The following ODAD1 variants were observed in gnomAD, a reference collection of about 807,000 sequenced individuals.
The protein encoded by ODAD1 is outer dynein arm docking complex subunit 1.
ODAD1 carries 49 observed loss-of-function variants against 67.2 expected under a neutral mutation model. The observed-to-expected ratio is 0.73, with a 90% confidence interval of 0.58 to 0.92. The LOEUF is 0.92. ODAD1 is among the 40% of genes least tolerant of loss of function. ODAD1 has a pLI of 0.00. For missense variants in ODAD1, 897 were observed against 953.7 expected (o/e 0.94, Z 0.78); for synonymous variants, 345 against 393.7 (o/e 0.88, Z 1.46).
At chr19:48,302,894 T>A (rs758781406) in intron 11 of ODAD1, 32 bp from the exon 12 acceptor site, 1 of 1,519,632 alleles carries the variant, frequency 6.6e-7, no homozygotes, top group East Asian at 2.7e-5. Context: ...CTGGGCCAGA[T>A]GGCAGCCTCG....
intron 10 of ODAD1, chr19:48,303,332 G>A (rs548403256): frequency 3.6e-5 from 22 of 611,794 alleles, no homozygotes; most frequent in African/African-American, 2.2e-4. Flanking sequence ...CCAGAGACTC[G>A]GCAATAGCAA....
At position 48,298,051 on chromosome 19, in the gene ODAD1, C is replaced by T. The variant is rs765137896; in HGVS notation, c.1451G>A (p.Ser484Asn). ...ADAALLVLGQSLEDLPKKMAP... is the reference protein window; with the variant it reads ...ADAALLVLGQNLEDLPKKMAP... Reference sequence around the variant, plus strand: ...CATCTTCTTCGGAAGGTCCTCCAGGCTCTGGCCCAGCACTAGGAGGGCAGC... The same window carrying T: ...CATCTTCTTCGGAAGGTCCTCCAGGTTCTGGCCCAGCACTAGGAGGGCAGC... Residue 484 changes from serine to asparagine, a missense_variant, in exon 14 of 16, where the codon AGC becomes AAC. Coordinates refer to ENST00000674294, the MANE Select transcript of ODAD1 (RefSeq NM_001364171.2). 2.5e-6 allele frequency: 4 copies of T among 1,613,398 alleles called. No individual in the cohort carries two copies. Among genetic ancestry groups the T allele is most frequent in the Non-Finnish European group, 2.5e-6 (3 of 1,179,780 alleles).
Position 48,298,280 on chromosome 19 carries a change from C to A in ODAD1, c.1301G>T (p.Gly434Val). 1 of 1,614,120 alleles carries A rather than the reference C, an allele frequency of 6.2e-7. No homozygotes were observed. The highest frequency in any genetic ancestry group is 8.5e-7 in the Non-Finnish European group (1 of 1,179,982). Residue 434 changes from glycine to valine, a missense_variant, in exon 13 of 16, where the codon GGG becomes GTG. Gly to Val is a moderately radical substitution (Grantham distance 109). Transcript: ENST00000674294. ...CCGGTCTCCCATGCTGGTCTTGACC[C>A]CAAGGAGGTCATCGATCATGCTGCT... is the stretch of plus-strand genomic sequence containing the variant. ...CDSSMIDDLL[G>V]VKTSMGDRDM...
Position 48,311,552 on chromosome 19 carries a change from C to A in ODAD1, c.597+1G>T. On this transcript the variant is annotated splice_donor_variant, in intron 7 of 15. Transcript: ENST00000674294. LOFTEE classifies it high-confidence loss of function. Reference sequence around the variant, plus strand: ...CTCCCCTGGATTTCAGGGCCACTGACCTTCTTCAGCTTGCGGTCCACGTTC... The same window carrying A: ...CTCCCCTGGATTTCAGGGCCACTGAACTTCTTCAGCTTGCGGTCCACGTTC... The A allele has an allele frequency of 6.5e-7, 1 of 1,538,130 alleles. No homozygotes were observed. The highest frequency in any genetic ancestry group is 8.8e-7 in the Non-Finnish European group (1 of 1,134,946).
intron 5 of ODAD1, among the ~76,000 whole-genome samples, chr19:48,314,703 G>A (rs1968853997): frequency 6.6e-6 from 1 of 152,108 alleles, no homozygotes; most frequent in African/African-American, 2.4e-5. Context: ...CACTTTGAGA[G>A]GCCGAGGCGA....
intron 12 of ODAD1, 136 bp from the exon 13 acceptor site, chr19:48,298,476 G>A (rs1479059647): frequency 8.9e-5 from 74 of 827,060 alleles, no homozygotes; most frequent in Non-Finnish European, 1.3e-4. Flanking sequence ...AGTCACCCGA[G>A]CTCAGCCAGC....
At chr19:48,300,776 G>A (rs1968442886) in intron 12 of ODAD1, among the ~76,000 whole-genome samples, 1 of 152,162 alleles carries the variant, frequency 6.6e-6, no homozygotes, top group Non-Finnish European at 1.5e-5. Context: ...AGTCACCAGG[G>A]AAATGCCAAT....
chr19:48,318,858 C>T (rs1272975754), intron 3 of ODAD1, 46 bp from the exon 4 acceptor site: 11 of 1,213,498 alleles, frequency 9.1e-6, no homozygotes, highest in Non-Finnish European at 1.2e-5. Context: ...TCCTGGCCAC[C>T]AGCTCCTCCC....
rs1406604169 is a variant in ODAD1 at position 48,303,755 on chromosome 19, T to C, written c.883A>G (p.Thr295Ala). Residue 295 changes from threonine to alanine, a missense_variant, in exon 10 of 16, where the codon ACC (threonine) becomes GCC (alanine). Transcript: ENST00000674294. The part of the protein sequence containing the change: ...AGEVAEGVWK[T>A]SQERLVLCYE... ...CAAAGCACCAGCCTCTCCTGGGAGG[T>C]CTTCCAGACGCCCTCGGCCACCTCC... 6.2e-7 allele frequency: 1 copy of C among 1,612,700 alleles called. No individual in the cohort carries two copies. The highest frequency in any genetic ancestry group is 8.5e-7 in the Non-Finnish European group (1 of 1,179,318).
chr19:48,318,311 T>A, intron 5 of ODAD1, 76 bp downstream of exon 5: 2 of 1,298,318 alleles, frequency 1.5e-6, no homozygotes, highest in South Asian at 1.4e-5. Context: ...CAATTTCACA[T>A]GAGGAAGCTA....
chr19:48,316,677 T>C (rs249375), intron 5 of ODAD1, among the ~76,000 whole-genome samples: 27,160 of 152,100 alleles, frequency 0.18, 2,543 homozygotes, highest in Middle Eastern at 0.23. Flanking sequence ...TCCTTACCTG[T>C]GGCCGCATCA....
chr19:48,316,436 A>C (rs1486525634), intron 5 of ODAD1, among the ~76,000 whole-genome samples: 1 of 151,738 alleles, frequency 6.6e-6, no homozygotes, highest in African/African-American at 2.4e-5. Flanking sequence ...GTAGTGTGCC[A>C]TTCCACATTC....
At chr19:48,317,213 T>C (rs1048397848) in intron 5 of ODAD1, among the ~76,000 whole-genome samples, 1 of 149,810 alleles carries the variant, frequency 6.7e-6, no homozygotes, top group African/African-American at 2.4e-5. Flanking sequence ...AAAAAATGTA[T>C]ATATATATAT....
Position 48,298,053 on chromosome 19 carries a change from C to G in ODAD1, c.1449G>C (p.Gln483His), listed in dbSNP as rs372851757. The change falls in exon 14 of 16, where the codon CAG becomes CAC. Residue 483 changes from glutamine to histidine, a missense_variant. Transcript: ENST00000674294. ...TCTTCTTCGGAAGGTCCTCCAGGCT[C>G]TGGCCCAGCACTAGGAGGGCAGCGT... ...LADAALLVLG[Q>H]SLEDLPKKMA... 3 of 1,613,306 alleles carry G rather than the reference C, an allele frequency of 1.9e-6. No individual in the cohort carries two copies. Among genetic ancestry groups the G allele is most frequent in the Non-Finnish European group, 2.5e-6 (3 of 1,179,784 alleles).
chr19:48,320,832 T>C (rs1363498996), intron 1 of ODAD1, 21 bp from the exon 2 acceptor site: 1 of 154,050 alleles, frequency 6.5e-6, no homozygotes, highest in Non-Finnish European at 1.5e-5. Context: ...AAGGGACCAA[T>C]GAGGACTGAG....
Position 48,297,139 on chromosome 19 carries a change from C to T in ODAD1, c.1961G>A (p.Gly654Glu). Residue 654 changes from glycine to glutamate, a missense_variant, in exon 16 of 16, where the codon GGG (glycine) becomes GAG (glutamate). Physicochemically the swap from Gly to Glu is moderately conservative, Grantham distance 98. Coordinates refer to ENST00000674294, the MANE Select transcript of ODAD1 (RefSeq NM_001364171.2). ...TGTGTTTTCTCCGCCCCTGCTGGACCCCACGTATCCAGTGGAGCCCAGGTA... is the reference window on the plus strand; with the variant it reads ...TGTGTTTTCTCCGCCCCTGCTGGACTCCACGTATCCAGTGGAGCCCAGGTA... ...SSYLGSTGYV[G>E]SSRGGENTEG... 2 of 1,614,100 alleles carry T rather than the reference C, an allele frequency of 1.2e-6. No homozygotes were observed. The highest frequency in any genetic ancestry group is 1.7e-6 in the Non-Finnish European group (2 of 1,180,004).
chr19:48,303,138 G>A (rs1464818401), intron 10 of ODAD1, 43 bp from the exon 11 acceptor site: 1 of 1,395,588 alleles, frequency 7.2e-7, no homozygotes, highest in Non-Finnish European at 1.0e-6. Flanking sequence ...GAGGGAGACA[G>A]AGAAACAGAG....
rs8107712 is a variant in ODAD1, at chr19:48,320,288, G to A, written c.70+11C>T. The A allele has an allele frequency of 0.44, 558,169 of 1,264,092 alleles. 125,419 individuals are homozygous for A. Among genetic ancestry groups the A allele is most frequent in the Middle Eastern group, 0.48 (2,161 of 4,472 alleles). 78.3% of individuals were successfully genotyped at this position (1,264,092 alleles called of 1,614,324 possible). A position where few individuals can be genotyped will look rare whatever the true frequency, so the allele number is the denominator to read the frequency against. On this transcript the variant is annotated intron_variant, in intron 3 of 15. Coordinates refer to ENST00000674294, the MANE Select transcript of ODAD1 (RefSeq NM_001364171.2). ...AGAATGGGTGAATGATATAAAGAAT[G>A]AATGAATTACCCATTCCCTCCAGAA...
chr19:48,303,598 C>T, intron 10 of ODAD1, 52 bp downstream of exon 10: 1 of 1,610,864 alleles, frequency 6.2e-7, no homozygotes, highest in East Asian at 2.2e-5. Flanking sequence ...GCACTGGACT[C>T]AGGGGGTGCC....
Sources: gnomAD v4.1 joint callset for allele counts (sites outside exome capture counted in the v4.1 genomes callset) on GRCh38, gnomAD v4.1.1 for gene constraint, MANE v1.5 for transcripts, NCBI Gene and HGNC (gene_info 2026-07-23, HGNC 2026-07-21) for gene names.